The following SCN4B variants were observed in gnomAD, a reference collection of about 807,000 sequenced individuals.
SCN4B encodes sodium channel regulatory subunit beta-4.
A neutral mutation model predicts 19.6 loss-of-function variants in SCN4B; 20 were observed. The ratio of observed to expected loss-of-function variants is 1.02; its 90% confidence interval spans 0.72 to 1.48. The LOEUF (loss-of-function observed/expected upper bound fraction) is 1.48, where lower values mean the gene tolerates loss of function less well. SCN4B is among the 40% of genes most tolerant of loss of function. The pLI is 0.00. For synonymous variants in SCN4B, 127 were observed against 122.8 expected (o/e 1.03, Z -0.22); for missense variants, 271 against 287.5 (o/e 0.94, Z 0.42).
At position 118,134,694 on chromosome 11, in the gene SCN4B, G is replaced by A; in HGVS notation, c.*2333C>T. 1 of 454,140 alleles carries A rather than the reference G, an allele frequency of 2.2e-6. No homozygotes were observed. The highest frequency in any genetic ancestry group is 4.4e-6 in the Non-Finnish European group (1 of 226,796). The allele number at this position is 454,140 out of a possible 1,614,324, so 28.1% of individuals were successfully genotyped here. ...GGGGTGGGATGGAAAGAAAGAGAGA[G>A]AGAGTGTGTGTGTCTGTATGTGGGT... On this transcript the variant is annotated 3_prime_UTR_variant, in exon 5 of 5. Coordinates refer to ENST00000324727, the MANE Select transcript of SCN4B (RefSeq NM_174934.4).
chr11:118,135,652 C>A lies in SCN4B; in HGVS notation c.*1375G>T, dbSNP rs969397323. ...AGATTCAGTCACTGGCCAATTCCAGCCTCATGGCCCCCTCTATGACCCTGG... is the reference window on the plus strand; with the variant it reads ...AGATTCAGTCACTGGCCAATTCCAGACTCATGGCCCCCTCTATGACCCTGG... On this transcript the variant is annotated 3_prime_UTR_variant, in exon 5 of 5. Transcript: ENST00000324727. 1.1e-5 allele frequency: 5 copies of A among 454,190 alleles called. No individual in the cohort carries two copies. Among genetic ancestry groups the A allele is most frequent in the African/African-American group, 1.0e-4 (5 of 49,934 alleles). 28.1% of individuals were successfully genotyped at this position (454,190 alleles called of 1,614,324 possible). A position where few individuals can be genotyped will look rare whatever the true frequency, so the allele number is the denominator to read the frequency against.
At chr11:118,138,533 G>A (rs956355132) in intron 4 of SCN4B, among the ~76,000 whole-genome samples, 3 of 152,006 alleles carry the variant, frequency 2.0e-5, no homozygotes, top group Non-Finnish European at 2.9e-5. Context: ...TGTACCTAAG[G>A]CATAGTTAAC....
At chr11:118,137,148 G>T in intron 4 of SCN4B, 28 bp from the exon 5 acceptor site, 1 of 1,519,882 alleles carries the variant, frequency 6.6e-7, no homozygotes, top group Non-Finnish European at 9.1e-7. Context: ...AGGGACAGTG[G>T]TGAGGAGAGG....
intron 4 of SCN4B, among the ~76,000 whole-genome samples, chr11:118,137,344 A>C (rs975117387): frequency 1.3e-5 from 2 of 152,140 alleles, no homozygotes; most frequent in African/African-American, 4.8e-5. Context: ...TGGAAGGAGA[A>C]ATGAGCACTT....
intron 3 of SCN4B, 51 bp downstream of exon 3, chr11:118,143,782 C>T: frequency 2.2e-6 from 3 of 1,341,866 alleles, no homozygotes; most frequent in South Asian, 2.4e-5. Flanking sequence ...GAGTTGGGTG[C>T]CTCCCAAGTC....
In SCN4B at chr11:118,145,046, C is replaced by T. The variant is rs1282200457; in HGVS notation, c.234+11G>A. 1 of 1,613,830 alleles carries T rather than the reference C, an allele frequency of 6.2e-7. No individual in the cohort carries two copies. The highest frequency in any genetic ancestry group is 8.5e-7 in the Non-Finnish European group (1 of 1,179,798). On this transcript the variant is annotated intron_variant, in intron 2 of 4. Transcript: ENST00000324727. ...AGGCTGGGCTGTACTGTTCTTCCTC[C>T]AAATACTTACAATCTTGAATGCGTC...
chr11:118,141,527 A>C, intron 3 of SCN4B, 191 bp from the exon 4 acceptor site: 1 of 648,804 alleles, frequency 1.5e-6, no homozygotes, highest in Non-Finnish European at 2.7e-6. Flanking sequence ...GGCATCTATC[A>C]GGCTAGGGCA....
rs1399999267 is a variant in SCN4B at position 118,136,826 on chromosome 11, G to T, written c.*201C>A. The T allele has an allele frequency of 1.5e-6, 1 of 680,212 alleles. No homozygotes were observed. Among genetic ancestry groups the T allele is most frequent in the Admixed American group, 2.0e-5 (1 of 49,202 alleles). The allele number at this position is 680,212 out of a possible 1,614,324, so 42.1% of individuals were successfully genotyped here. A position where few individuals can be genotyped will look rare whatever the true frequency, so the allele number is the denominator to read the frequency against. On this transcript the variant is annotated 3_prime_UTR_variant, in exon 5 of 5. Coordinates refer to ENST00000324727, the MANE Select transcript of SCN4B (RefSeq NM_174934.4). ...AATCTTCCACAGACCCCCTCCCCTG[G>T]CCATCCCTTGTCCCTGGGGAGCCCT...
chr11:118,152,801 G>T lies in SCN4B; in HGVS notation c.-128C>A. ...AGCTCTGCGCCGCCGGTCGGGGCTC[G>T]GGAAAGTTAGCGGGCAGAGAGCGAG... is the stretch of plus-strand genomic sequence containing the variant. On this transcript the variant is annotated 5_prime_UTR_variant, in exon 1 of 5. Coordinates refer to ENST00000324727, the MANE Select transcript of SCN4B (RefSeq NM_174934.4). 1.5e-6 allele frequency: 1 copy of T among 649,696 alleles called. No homozygotes were observed. Among genetic ancestry groups the T allele is most frequent in the Non-Finnish European group, 2.5e-6 (1 of 399,894 alleles). The allele number at this position is 649,696 out of a possible 1,614,324, so 40.2% of individuals were successfully genotyped here.
chr11:118,146,768 C>G (rs1220158452), intron 1 of SCN4B, among the ~76,000 whole-genome samples: 1 of 152,194 alleles, frequency 6.6e-6, no homozygotes, highest in Non-Finnish European at 1.5e-5. Flanking sequence ...ATGTGCCAGG[C>G]ACATTTCATC....
intron 1 of SCN4B, among the ~76,000 whole-genome samples, chr11:118,147,348 C>T (rs947319761): frequency 6.6e-6 from 1 of 152,034 alleles, no homozygotes; most frequent in Non-Finnish European, 1.5e-5. Flanking sequence ...TCTCATTTAA[C>T]CCTCATCATA....
chr11:118,146,385 G>T (rs1262792710), intron 1 of SCN4B, among the ~76,000 whole-genome samples: 1 of 152,094 alleles, frequency 6.6e-6, no homozygotes, highest in Non-Finnish European at 1.5e-5. Context: ...GGAGGCGGGG[G>T]CGGGGAGGGT....
intron 4 of SCN4B, among the ~76,000 whole-genome samples, chr11:118,137,850 A>G (rs920926900): frequency 2.0e-5 from 3 of 152,096 alleles, no homozygotes; most frequent in African/African-American, 7.2e-5. Context: ...CCCTCTCCCC[A>G]GGGCCCCCCA....
At chr11:118,149,068 C>T (rs1948210892) in intron 1 of SCN4B, among the ~76,000 whole-genome samples, 1 of 152,204 alleles carries the variant, frequency 6.6e-6, no homozygotes, top group Admixed American at 6.5e-5. Context: ...CCCTGCCATC[C>T]TCATCTGGGG....
intron 2 of SCN4B, among the ~76,000 whole-genome samples, chr11:118,144,762 G>A (rs1948146564): frequency 6.6e-6 from 1 of 151,982 alleles, no homozygotes; most frequent in Admixed American, 6.6e-5. Flanking sequence ...CTGTTTCTTA[G>A]ACTAAACTAT....
chr11:118,143,282 C>T (rs2135503320), intron 3 of SCN4B, among the ~76,000 whole-genome samples: 1 of 152,282 alleles, frequency 6.6e-6, no homozygotes, highest in South Asian at 2.1e-4. Flanking sequence ...AGGATGTAAG[C>T]CCCCAGAGGA....
chr11:118,142,428 CAG>C (rs1555097319), intron 3 of SCN4B, among the ~76,000 whole-genome samples: 9 of 152,266 alleles, frequency 5.9e-5, no homozygotes, highest in Non-Finnish European at 1.3e-4. Context: ...TCGCCTTTTC[CAG>C]AGAGCCCTTC....
At chr11:118,139,528 T>C (rs888480427) in intron 4 of SCN4B, among the ~76,000 whole-genome samples, 1 of 110,998 alleles carries the variant, frequency 9.0e-6, no homozygotes, top group Admixed American at 9.1e-5. Flanking sequence ...TTCCATAATT[T>C]CCTATAGCAT....
intron 1 of SCN4B, among the ~76,000 whole-genome samples, chr11:118,150,961 T>C (rs1948227837): frequency 6.6e-6 from 1 of 152,128 alleles, no homozygotes; most frequent in African/African-American, 2.4e-5. Context: ...CACTCTGCTT[T>C]CTCCTGGGCT....
Sources: allele counts gnomAD v4.1 joint callset (sites outside exome capture counted in the v4.1 genomes callset), GRCh38; gene constraint gnomAD v4.1.1; transcripts MANE v1.5; gene names NCBI Gene and HGNC (gene_info 2026-07-23, HGNC 2026-07-21).